Variants in RUFY2 observed in about 807,000 individuals in gnomAD.
The protein encoded by RUFY2 is RUN and FYVE domain-containing protein 2.
In RUFY2, 49 loss-of-function variants were observed where a neutral mutation model predicts 94.4. The observed-to-expected ratio is 0.52, with a 90% CI of 0.41 to 0.66. The LOEUF (loss-of-function observed/expected upper bound fraction) is 0.66, where lower values mean the gene tolerates loss of function less well. RUFY2 is among the 30% of genes least tolerant of loss of function. RUFY2 has a pLI of 0.00. For missense variants in RUFY2, 541 were observed against 692.8 expected, an observed-to-expected ratio of 0.78 and a Z score of 2.46; for synonymous variants, 255 against 235.7, an observed-to-expected ratio of 1.08 and a Z score of -0.75.
At chr10:68,347,370 C>T (rs200516327) in intron 16 of RUFY2, among the ~76,000 whole-genome samples, 1 of 149,918 alleles carries the variant, frequency 6.7e-6, no homozygotes, top group Non-Finnish European at 1.5e-5. Flanking sequence ...CCGCAACCTC[C>T]GTCTCCCAGG....
intron 12 of RUFY2, chr10:68,378,528 C>T: frequency 6.7e-7 from 1 of 1,490,226 alleles, no homozygotes; most frequent in Non-Finnish European, 9.0e-7. Flanking sequence ...TGTTGATTCT[C>T]TTTTCATTTA....
intron 5 of RUFY2, 68 bp downstream of exon 5, chr10:68,394,260 C>T: frequency 6.2e-7 from 1 of 1,606,552 alleles, no homozygotes; most frequent in Non-Finnish European, 8.5e-7. Context: ...CTTCAAATGA[C>T]ACCTGATCAA....
chr10:68,383,715 T>C, intron 10 of RUFY2, 83 bp downstream of exon 10: 3 of 983,064 alleles, frequency 3.1e-6, no homozygotes, highest in Non-Finnish European at 4.8e-6. Context: ...AGGATAAGGC[T>C]GAAAAAGATT....
chr10:68,395,930 G>A (rs1369646474), intron 4 of RUFY2, among the ~76,000 whole-genome samples: 1 of 152,166 alleles, frequency 6.6e-6, no homozygotes, highest in Non-Finnish European at 1.5e-5. Flanking sequence ...GGACCACCAT[G>A]GGCCCACTCC....
intron 1 of RUFY2, among the ~76,000 whole-genome samples, 188 bp from the exon 2 acceptor site, chr10:68,405,032 C>G (rs558958806): frequency 1.1e-4 from 17 of 151,972 alleles, no homozygotes; most frequent in South Asian, 2.1e-4. Context: ...AAAAAATTTC[C>G]GGCCAGGCGC....
chr10:68,347,746 A>G (rs1032141728), intron 16 of RUFY2, among the ~76,000 whole-genome samples: 3 of 152,220 alleles, frequency 2.0e-5, no homozygotes, highest in Admixed American at 6.5e-5. Context: ...CATGTTCCTA[A>G]AACAGCCCAG....
intron 7 of RUFY2, among the ~76,000 whole-genome samples, chr10:68,392,569 C>G: frequency 6.6e-6 from 1 of 151,890 alleles, no homozygotes; most frequent in Non-Finnish European, 1.5e-5. Flanking sequence ...CCTTTTTTGT[C>G]AAGGGTACAG....
chr10:68,364,184 A>G, intron 13 of RUFY2, 71 bp from the exon 14 acceptor site: 2 of 1,419,220 alleles, frequency 1.4e-6, no homozygotes. Context: ...ATTCTTTACT[A>G]AAATCACCCT....
chr10:68,382,050 CTTT>C (rs1195609174), intron 10 of RUFY2, among the ~76,000 whole-genome samples: 3 of 139,100 alleles, frequency 2.2e-5, no homozygotes, highest in Non-Finnish European at 1.6e-5. Flanking sequence ...GTTTAATTTC[CTTT>C]TTTTTTTTTT....
chr10:68,407,261 C>G lies in RUFY2; in HGVS notation c.-72G>C. 1 of 1,226,340 alleles carries G rather than the reference C, an allele frequency of 8.2e-7. No homozygotes were observed. 76.0% of individuals were successfully genotyped at this position (1,226,340 alleles called of 1,614,324 possible). Reference sequence around the variant, plus strand: ...CCAGCAGCTCCTTCCAGGCGCTCGGCGGCCACCACCGCATCTGCAGCCAGG... The same window carrying G: ...CCAGCAGCTCCTTCCAGGCGCTCGGGGGCCACCACCGCATCTGCAGCCAGG... On this transcript the variant is annotated 5_prime_UTR_variant, in exon 1 of 18. Coordinates refer to ENST00000602465, the MANE Select transcript of RUFY2 (RefSeq NM_001330103.2).
At chr10:68,396,735 TAAATA>T in intron 4 of RUFY2, 40 bp downstream of exon 4, 1 of 1,250,150 alleles carries the variant, frequency 8.0e-7, no homozygotes, top group Non-Finnish European at 1.2e-6. Context: ...AGACAGCATA[TAAATA>T]AAATAAAAAA....
At chr10:68,392,814 G>A (rs554495953) in intron 7 of RUFY2, among the ~76,000 whole-genome samples, 1 of 150,498 alleles carries the variant, frequency 6.6e-6, no homozygotes, top group African/African-American at 2.4e-5. Context: ...TATAGTCCCA[G>A]CTACTCAGGA....
At chr10:68,406,975 C>G (rs2051374224) in intron 1 of RUFY2, 1 of 1,536,010 alleles carries the variant, frequency 6.5e-7, no homozygotes, top group Admixed American at 2.0e-5. Context: ...AGAACCCGGG[C>G]GGGAACGGGC....
intron 15 of RUFY2, among the ~76,000 whole-genome samples, chr10:68,360,961 G>A (rs1056758216): frequency 6.6e-6 from 1 of 151,448 alleles, no homozygotes; most frequent in African/African-American, 2.4e-5. Context: ...GATCATGCCT[G>A]TAATTCAACT....
chr10:68,397,264 G>A (rs2050458396), intron 3 of RUFY2, among the ~76,000 whole-genome samples: 2 of 152,186 alleles, frequency 1.3e-5, no homozygotes, highest in South Asian at 4.1e-4. Flanking sequence ...TATATAGCAT[G>A]CTACTGTACT....
rs1242772328 is a variant in RUFY2 at position 68,379,581 on chromosome 10, G to A, written c.1108-60C>T. The A allele has an allele frequency of 4.2e-6, 5 of 1,197,702 alleles. No homozygotes were observed. In the South Asian group the frequency reaches 6.6e-5, roughly 16 times the overall value. The allele number at this position is 1,197,702 out of a possible 1,614,324, so 74.2% of individuals were successfully genotyped here. A position where few individuals can be genotyped will look rare whatever the true frequency, so the allele number is the denominator to read the frequency against. On this transcript the variant is annotated intron_variant, in intron 11 of 17. Transcript: ENST00000602465. Reference sequence around the variant, plus strand: ...TTTGTGTGTGTGTGTTTGTGTGTGTGTGTGTGTGCGTGTTTTTAATAGATA... The same window carrying A: ...TTTGTGTGTGTGTGTTTGTGTGTGTATGTGTGTGCGTGTTTTTAATAGATA...
intron 8 of RUFY2, 94 bp downstream of exon 8, chr10:68,385,965 C>CGT (rs145133028): frequency 2.5e-5 from 17 of 687,776 alleles, no homozygotes; most frequent in African/African-American, 3.6e-5. Flanking sequence ...AGTGTGTGTT[C>CGT]GTGTGTGTGT....
intron 7 of RUFY2, among the ~76,000 whole-genome samples, chr10:68,388,289 CCT>C (rs2049680279): frequency 6.6e-6 from 1 of 151,950 alleles, no homozygotes; most frequent in African/African-American, 2.4e-5. Context: ...ATGGTGAAAC[CCT>C]GTCTCTACTA....
chr10:68,366,293 G>A (rs1383020972), intron 13 of RUFY2, among the ~76,000 whole-genome samples: 1 of 124,838 alleles, frequency 8.0e-6, no homozygotes, highest in Non-Finnish European at 1.6e-5. Flanking sequence ...TCTCACTACT[G>A]CACTCTAGCC....
Sources: gnomAD v4.1 joint callset for allele counts (sites outside exome capture counted in the v4.1 genomes callset) on GRCh38, gnomAD v4.1.1 for gene constraint, MANE v1.5 for transcripts, NCBI Gene and HGNC (gene_info 2026-07-23, HGNC 2026-07-21) for gene names.